Variants in NCOA1 observed in about 807,000 individuals in gnomAD.
The protein encoded by NCOA1 is Hin-2 protein.
NCOA1 carries 35 observed loss-of-function variants against 150.9 expected under a neutral mutation model. The ratio of observed to expected loss-of-function variants is 0.23; its 90% CI spans 0.18 to 0.31. The LOEUF (loss-of-function observed/expected upper bound fraction) is 0.31. NCOA1 is among the 10% of genes least tolerant of loss of function. The pLI is 1.00. For missense variants in NCOA1, 1,491 were observed against 1,749.3 expected (o/e 0.85, Z 2.63); for synonymous variants, 590 against 630.0 (o/e 0.94, Z 0.95).
intron 1 of NCOA1, among the ~76,000 whole-genome samples, chr2:24,551,694 T>A (rs1342612550): frequency 1.3e-5 from 2 of 152,236 alleles, no homozygotes; most frequent in Non-Finnish European, 2.9e-5. Context: ...TTTGGCTCTC[T>A]GCAGGATAAG....
At chr2:24,541,672 T>C (rs1665403854) in intron 1 of NCOA1, among the ~76,000 whole-genome samples, 1 of 152,188 alleles carries the variant, frequency 6.6e-6, no homozygotes, top group Admixed American at 6.5e-5. Context: ...AAGGGGAAAT[T>C]ATCTGAAAAA....
intron 19 of NCOA1, among the ~76,000 whole-genome samples, chr2:24,749,426 G>A (rs1440055380): frequency 6.6e-6 from 1 of 152,202 alleles, no homozygotes; most frequent in African/African-American, 2.4e-5. Context: ...GCGCACGCGG[G>A]CATGCGTGTT....
In NCOA1 at chr2:24,770,464, AT is replaced by A; in HGVS notation, c.*2074del. 4.4e-6 allele frequency: 1 copy of A among 225,804 alleles called. No individual in the cohort carries two copies. The highest frequency in any genetic ancestry group is 8.8e-6 in the Non-Finnish European group (1 of 113,148). The allele number at this position is 225,804 out of a possible 1,614,324, so 14.0% of individuals were successfully genotyped here. On this transcript the variant is annotated 3_prime_UTR_variant, in exon 23 of 23. Coordinates refer to ENST00000348332, the MANE Select transcript of NCOA1 (RefSeq NM_003743.5). ...GTTTTATAATTGCACTGTTTGTTTTATGTATGTACAGATTAAAATTATTGCT... is the reference window on the plus strand; with the variant it reads ...GTTTTATAATTGCACTGTTTGTTTTAGTATGTACAGATTAAAATTATTGCT...
intron 20 of NCOA1, among the ~76,000 whole-genome samples, chr2:24,755,302 G>A (rs916476915): frequency 6.6e-6 from 1 of 152,244 alleles, no homozygotes; most frequent in African/African-American, 2.4e-5. Flanking sequence ...CAAACCTGTG[G>A]GTCCTGGAAC....
At chr2:24,590,731 A>G (rs112691760) in intron 3 of NCOA1, among the ~76,000 whole-genome samples, 4 of 152,346 alleles carry the variant, frequency 2.6e-5, no homozygotes, top group African/African-American at 9.6e-5. Flanking sequence ...AGTCAGCTCA[A>G]TGCAGGGAAT....
intron 8 of NCOA1, among the ~76,000 whole-genome samples, chr2:24,684,727 T>A (rs780659353): frequency 1.3e-5 from 2 of 152,112 alleles, no homozygotes; most frequent in Non-Finnish European, 2.9e-5. Flanking sequence ...TATACAATAG[T>A]GTAGAGAAGC....
chr2:24,669,721 C>T (rs1671598546), intron 6 of NCOA1, among the ~76,000 whole-genome samples: 1 of 152,022 alleles, frequency 6.6e-6, no homozygotes, highest in African/African-American at 2.4e-5. Context: ...GACATTTCTC[C>T]AAAGAAAATG....
At position 24,682,225 on chromosome 2, in the gene NCOA1, T is replaced by C. The variant is rs527508164; in HGVS notation, c.355-726T>C. On this transcript the variant is annotated intron_variant, in intron 7 of 22. Coordinates refer to ENST00000348332, the MANE Select transcript of NCOA1 (RefSeq NM_003743.5). Reference sequence around the variant, plus strand: ...ATTCTGCAGCAAGTAAGCTGCAACATGTTGCAATAAATGAAAAGATTACAA... The same window carrying C: ...ATTCTGCAGCAAGTAAGCTGCAACACGTTGCAATAAATGAAAAGATTACAA... Among the ~76,000 whole-genome samples the C allele has an allele frequency of 2.0e-5, 3 of 152,274 alleles. No homozygotes were observed. The East Asian group carries it at 5.8e-4, about 29-fold the overall frequency.
At chr2:24,657,940 A>G (rs1425692793) in intron 4 of NCOA1, among the ~76,000 whole-genome samples, 2 of 152,174 alleles carry the variant, frequency 1.3e-5, no homozygotes, top group African/African-American at 4.8e-5. Flanking sequence ...ATGGAGAATA[A>G]TGGTTGATGA....
Position 24,733,661 on chromosome 2 carries a change from T to A in NCOA1, c.3201+3846T>A, listed in dbSNP as rs141007791. Reference sequence around the variant, plus strand: ...GGGGAGGCTGAGGCAGGAGAATTGCTTGAAACTGGGAGGTGGAGGTTGCCA... The same window carrying A: ...GGGGAGGCTGAGGCAGGAGAATTGCATGAAACTGGGAGGTGGAGGTTGCCA... On this transcript the variant is annotated intron_variant, in intron 17 of 22. Coordinates refer to ENST00000348332, the MANE Select transcript of NCOA1 (RefSeq NM_003743.5). 7.9e-3 allele frequency among the ~76,000 whole-genome samples: 1,195 copies of A among 152,172 alleles called. 15 individuals carry two copies. The highest frequency in any genetic ancestry group is 0.027 in the African/African-American group (1,127 of 41,534).
chr2:24,680,721 A>T (rs1406795901), intron 7 of NCOA1, among the ~76,000 whole-genome samples: 1 of 152,210 alleles, frequency 6.6e-6, no homozygotes, highest in Non-Finnish European at 1.5e-5. Flanking sequence ...GAGAGCTTTT[A>T]AGTGTTTTCA....
chr2:24,512,998 G>C (rs1558754802), intron 1 of NCOA1, among the ~76,000 whole-genome samples: 1 of 152,162 alleles, frequency 6.6e-6, no homozygotes, highest in African/African-American at 2.4e-5. Flanking sequence ...ACAGATGAAA[G>C]TAAGGCTTGC....
At chr2:24,753,145 C>A (rs976814489) in intron 20 of NCOA1, among the ~76,000 whole-genome samples, 1 of 152,122 alleles carries the variant, frequency 6.6e-6, no homozygotes, top group African/African-American at 2.4e-5. Flanking sequence ...GGAACCATAT[C>A]TGTAATACAA....
At chr2:24,727,691 A>G (rs1662768548) in intron 15 of NCOA1, among the ~76,000 whole-genome samples, 1 of 152,182 alleles carries the variant, frequency 6.6e-6, no homozygotes. Context: ...TTTCTGTTTT[A>G]TGTATCAGTT....
chr2:24,725,993 G>A (rs910840868), intron 14 of NCOA1, among the ~76,000 whole-genome samples: 23 of 152,050 alleles, frequency 1.5e-4, no homozygotes, highest in African/African-American at 4.8e-4. Context: ...ACAGAAAAAC[G>A]TTCTAAAATG....
chr2:24,552,774 C>T (rs926185099), intron 1 of NCOA1, among the ~76,000 whole-genome samples: 7 of 151,990 alleles, frequency 4.6e-5, no homozygotes, highest in African/African-American at 1.7e-4. Context: ...TCTAATTATT[C>T]GTTACTACCA....
chr2:24,557,348 T>G (rs947507249), intron 1 of NCOA1, among the ~76,000 whole-genome samples: 1 of 152,172 alleles, frequency 6.6e-6, no homozygotes, highest in African/African-American at 2.4e-5. Flanking sequence ...TTGTTACACA[T>G]TTTACTTCTA....
rs778020685 is a variant in NCOA1 at position 24,574,251 on chromosome 2, C to T, written c.-260+9821C>T. Among the ~76,000 whole-genome samples, 121 of 152,136 alleles carry T rather than the reference C, an allele frequency of 8.0e-4. 2 individuals are homozygous for T. Among genetic ancestry groups the T allele is most frequent in the Non-Finnish European group, 3.2e-4 (22 of 67,920 alleles). ...GATTTATTTGAAATGAATTATGGAACACCCAAGCTGATTTAAGAAAAGTTG... is the reference window on the plus strand; with the variant it reads ...GATTTATTTGAAATGAATTATGGAATACCCAAGCTGATTTAAGAAAAGTTG... On this transcript the variant is annotated intron_variant, in intron 2 of 22. Transcript: ENST00000348332.
At chr2:24,746,488 G>A (rs1225335236) in intron 19 of NCOA1, among the ~76,000 whole-genome samples, 1 of 152,202 alleles carries the variant, frequency 6.6e-6, no homozygotes, top group Non-Finnish European at 1.5e-5. Context: ...GTTGCAGCGA[G>A]CCAAGATCAC....
Sources: allele counts gnomAD v4.1 joint callset (sites outside exome capture counted in the v4.1 genomes callset), GRCh38; gene constraint gnomAD v4.1.1; transcripts MANE v1.5; gene names NCBI Gene and HGNC (gene_info 2026-07-23, HGNC 2026-07-21).